CEP131: variants seen among roughly 807,000 people sequenced by gnomAD.
CEP131 encodes the protein centrosomal protein 131.
In CEP131, 99 loss-of-function variants were observed where a neutral mutation model predicts 136.8. The ratio of observed to expected loss-of-function variants is 0.72; its 90% CI spans 0.62 to 0.86. The LOEUF (loss-of-function observed/expected upper bound fraction) is 0.86. Ranked by LOEUF, CEP131 falls within the 40% of genes least tolerant of loss-of-function variation. The probability of loss-of-function intolerance (pLI) is 0.00; values close to 1 mark genes in which losing one functional copy is unlikely to be tolerated. For missense variants in CEP131, 1,459 were observed against 1,463.0 expected (o/e 1.00, Z 0.04); for synonymous variants, 646 against 612.7 (o/e 1.05, Z -0.80).
chr17:81,207,015 T>C (rs1171263263), intron 4 of CEP131, 110 bp downstream of exon 4: 1 of 1,515,116 alleles, frequency 6.6e-7, no homozygotes, highest in East Asian at 2.3e-5. Flanking sequence ...AGATCTAAGC[T>C]TGACACCCTC....
At chr17:81,216,124 C>T (rs2062241142) in intron 2 of CEP131, among the ~76,000 whole-genome samples, 1 of 152,114 alleles carries the variant, frequency 6.6e-6, no homozygotes. Flanking sequence ...CTTCGGGAGG[C>T]TGAGGCAGGA....
At position 81,189,920 on chromosome 17, in the gene CEP131, G is replaced by A. The variant is rs2061601338; in HGVS notation, c.3163C>T (p.His1055Tyr). Residue 1055 changes from histidine (H) to tyrosine (Y), a missense_variant, in exon 25 of 26, where the codon CAT becomes TAT. Coordinates refer to ENST00000450824, the MANE Select transcript of CEP131 (RefSeq NM_014984.4). ...EEAVSSLRTQ[H>Y]EAAVKRADHL... is the part of the protein sequence containing the mutation. The stretch of plus-strand genomic sequence containing the variant: ...GGCTGGCCACAGGGACTCACCTCAT[G>A]TTGTGTCCGGAGGCTGCTCACGGCC... 2.5e-6 allele frequency: 4 copies of A among 1,612,856 alleles called. No individual in the cohort carries two copies. The highest frequency in any genetic ancestry group is 3.4e-6 in the Non-Finnish European group (4 of 1,179,674).
chr17:81,198,929 G>A lies in CEP131; in HGVS notation c.1235C>T (p.Pro412Leu), dbSNP rs769569324. The A allele has an allele frequency of 1.3e-6, 2 of 1,591,284 alleles. No individual in the cohort carries two copies. The highest frequency in any genetic ancestry group is 2.3e-5 in the East Asian group (1 of 44,038). ...TGGTTCTGGGGATGAGTCGGAGGTG[G>A]GCAGGCAGCGGTCTCCGGGGCCTGC... ...PAAGPGDRCL[P>L]TSDSSPEPQQ... The change falls in exon 11 of 26, where the codon CCC becomes CTC. Residue 412 changes from proline (P) to leucine (L), a missense_variant. Around this residue, in one of 3 missense-constraint regions of CEP131, gnomAD observed 1,026 missense variants for 964.2 expected, o/e 1.06. Transcript: ENST00000450824.
At chr17:81,218,030 CCTCCCT>C (rs1020774122) in intron 2 of CEP131, among the ~76,000 whole-genome samples, 7 of 151,522 alleles carry the variant, frequency 4.6e-5, no homozygotes, top group African/African-American at 1.5e-4. Flanking sequence ...TCCCCCTCCC[CCTCCCT>C]CTTTCTTTCT....
chr17:81,196,697 T>C lies in CEP131; in HGVS notation c.1899+4A>G. On this transcript the variant is annotated splice_donor_region_variant and intron_variant, in intron 15 of 25. Coordinates refer to ENST00000450824, the MANE Select transcript of CEP131 (RefSeq NM_014984.4). Reference sequence around the variant, plus strand: ...CGGGCCTCTGCGCTCCCCGGGCCGCTCACCTGGTCAATGAAGGCCAAGTGC... The same window carrying C: ...CGGGCCTCTGCGCTCCCCGGGCCGCCCACCTGGTCAATGAAGGCCAAGTGC... The C allele has an allele frequency of 6.2e-7, 1 of 1,603,206 alleles. No homozygotes were observed. The highest frequency in any genetic ancestry group is 8.5e-7 in the Non-Finnish European group (1 of 1,178,198).
intron 2 of CEP131, among the ~76,000 whole-genome samples, chr17:81,213,806 A>T (rs954412764): frequency 7.2e-5 from 11 of 152,326 alleles, no homozygotes; most frequent in African/African-American, 2.6e-4. Context: ...GAGAGGTCAC[A>T]TGGACAGTGT....
intron 2 of CEP131, 119 bp from the exon 3 acceptor site, chr17:81,209,141 G>C (rs920504797): frequency 2.7e-5 from 20 of 748,250 alleles, no homozygotes; most frequent in South Asian, 3.5e-5. Flanking sequence ...TAGGGTTACA[G>C]GTGGCCCAAG....
chr17:81,192,671 GGC>G, intron 19 of CEP131, 63 bp downstream of exon 19: 5 of 1,355,270 alleles, frequency 3.7e-6, no homozygotes, highest in Non-Finnish European at 5.1e-6. Context: ...CGGGTGAGGG[GGC>G]GGGGGGGAGG....
chr17:81,213,467 G>A (rs2062178257), intron 2 of CEP131, among the ~76,000 whole-genome samples: 1 of 151,566 alleles, frequency 6.6e-6, no homozygotes, highest in African/African-American at 2.4e-5. Context: ...GCTGAGATAG[G>A]AAAATCGCTT....
In CEP131 at chr17:81,211,386, C is replaced by T. The variant is rs565211797; in HGVS notation, c.178-2364G>A. 1.0e-3 allele frequency among the ~76,000 whole-genome samples: 155 copies of T among 152,338 alleles called. 2 individuals are homozygous for T. In the South Asian group the frequency reaches 0.03, roughly 30 times the overall value. ...TGCCTTCTGGGAAGCCTGGGCAGTG[C>T]CCATCAGACAGCAAGTGCCCAAAAG... On this transcript the variant is annotated intron_variant, in intron 2 of 25. Coordinates refer to ENST00000450824, the MANE Select transcript of CEP131 (RefSeq NM_014984.4).
At chr17:81,202,502 A>G in intron 6 of CEP131, 104 bp from the exon 7 acceptor site, 21 of 1,401,464 alleles carry the variant, frequency 1.5e-5, no homozygotes, top group Non-Finnish European at 1.9e-5. Flanking sequence ...TGAGCCTGGA[A>G]GTGGTGCTGG....
rs947423449 is a variant in CEP131, at chr17:81,208,689, G to C, written c.272+239C>G. 9.9e-5 allele frequency among the ~76,000 whole-genome samples: 15 copies of C among 152,244 alleles called. No homozygotes were observed. Among genetic ancestry groups the C allele is most frequent in the African/African-American group, 3.1e-4 (13 of 41,462 alleles). On this transcript the variant is annotated intron_variant, in intron 3 of 25. Coordinates refer to ENST00000450824, the MANE Select transcript of CEP131 (RefSeq NM_014984.4). The surrounding 1 kb of genome is among the most constrained non-coding windows in gnomAD (Gnocchi z 5.6). ...TCCCAGCAGCCGCCGGGACAGCAAG[G>C]AGGAAGGGAGGGATGCAGTGCAGGA... is the stretch of plus-strand genomic sequence containing the variant.
Position 81,197,892 on chromosome 17 carries a change from T to G in CEP131, c.1471-4A>C, listed in dbSNP as rs949800724. The G allele has an allele frequency of 6.2e-7, 1 of 1,610,864 alleles. No individual in the cohort carries two copies. Among genetic ancestry groups the G allele is most frequent in the African/African-American group, 1.3e-5 (1 of 74,916 alleles). On this transcript the variant is annotated splice_region_variant and splice_polypyrimidine_tract_variant and intron_variant, in intron 12 of 25. Transcript: ENST00000450824. ...TCAGAGAGCTGGCGTCATCCTCCTG[T>G]GGGACAGGAGCCCAGCATCGGGGGC...
intron 2 of CEP131, among the ~76,000 whole-genome samples, chr17:81,211,261 T>A (rs2062126673): frequency 6.6e-6 from 1 of 152,152 alleles, no homozygotes; most frequent in Admixed American, 6.5e-5. Flanking sequence ...AACTGGGCGC[T>A]GGAAAGGTGT....
Position 81,203,772 on chromosome 17 carries a change from G to T in CEP131, c.516-165C>A. The T allele has an allele frequency of 1.7e-6, 1 of 598,544 alleles. No homozygotes were observed. Among genetic ancestry groups the T allele is most frequent in the Non-Finnish European group, 3.0e-6 (1 of 338,324 alleles). 37.1% of individuals were successfully genotyped at this position (598,544 alleles called of 1,614,324 possible). A position where few individuals can be genotyped will look rare whatever the true frequency, so the allele number is the denominator to read the frequency against. On this transcript the variant is annotated intron_variant, in intron 5 of 25. Coordinates refer to ENST00000450824, the MANE Select transcript of CEP131 (RefSeq NM_014984.4). The surrounding 1 kb of genome is among the most constrained non-coding windows in gnomAD (Gnocchi z 4.6). ...TGTCCCCAGGCCCCTTCCACAGCCT[G>T]CGCCCTGATGATGGGGTTCTTCCCA...
rs1452715855 is a variant in CEP131 at position 81,208,264 on chromosome 17, G to C, written c.272+664C>G. ...TGGCCGCAGTTCTTGGTCTTCCCAG[G>C]AAGGGTCCACCCGGGGCCCTTGGTG... On this transcript the variant is annotated intron_variant, in intron 3 of 25. Coordinates refer to ENST00000450824, the MANE Select transcript of CEP131 (RefSeq NM_014984.4). This position sits in a 1 kb window ranked among gnomAD's most constrained non-coding sequence, Gnocchi z 5.6. 2.0e-5 allele frequency among the ~76,000 whole-genome samples: 3 copies of C among 152,216 alleles called. No homozygotes were observed. Among genetic ancestry groups the C allele is most frequent in the African/African-American group, 7.2e-5 (3 of 41,452 alleles).
In CEP131 at chr17:81,189,787, G is replaced by C. The variant is rs1252829122; in HGVS notation, c.3225C>G (p.Pro1075=). ...TCCCTGGTCACTTGGTACTTGGCGT[G>C]GGCCTCCTGTGCTGCTCCAGCAGCT... is the stretch of plus-strand genomic sequence containing the variant. ...LEELLEQHRR[P]TPSTK is the part of the protein sequence containing the mutation. Residue 1075 remains proline, a synonymous_variant, in exon 26 of 26, where the codon CCC becomes CCG. Transcript: ENST00000450824. 1.2e-6 allele frequency: 2 copies of C among 1,606,902 alleles called. No homozygotes were observed. Among genetic ancestry groups the C allele is most frequent in the South Asian group, 2.2e-5 (2 of 90,596 alleles).
chr17:81,202,019 T>C (rs1289124759), intron 7 of CEP131, among the ~76,000 whole-genome samples: 1 of 151,250 alleles, frequency 6.6e-6, no homozygotes, highest in Non-Finnish European at 1.5e-5. Context: ...GAGAATGGTG[T>C]GAACCCGGGA....
At chr17:81,218,883 G>A (rs1464807888) in intron 2 of CEP131, among the ~76,000 whole-genome samples, 1 of 152,248 alleles carries the variant, frequency 6.6e-6, no homozygotes, top group Non-Finnish European at 1.5e-5. Flanking sequence ...CTGCCCTCCA[G>A]ACCCCTTCTC....
Sources: gnomAD v4.1 joint callset for allele counts (sites outside exome capture counted in the v4.1 genomes callset) on GRCh38, gnomAD v4.1.1 for gene constraint, gnomAD v4.1.1 regional missense constraint, Gnocchi (gnomAD v3.1) non-coding constraint, MANE v1.5 for transcripts, NCBI Gene and HGNC (gene_info 2026-07-23, HGNC 2026-07-21) for gene names.